RSPO1: variants seen among roughly 807,000 people sequenced by gnomAD.
RSPO1 encodes the protein R-spondin-1.
RSPO1 carries 18 observed loss-of-function variants against 26.0 expected under a neutral mutation model. That is an observed-to-expected ratio of 0.69 (90% CI 0.48 to 1.03). The LOEUF is 1.03. RSPO1 is among the 50% of genes least tolerant of loss of function. RSPO1 has a pLI of 0.00. For missense variants in RSPO1, 309 were observed against 352.3 expected (o/e 0.88, Z 0.98); for synonymous variants, 133 against 137.4 (o/e 0.97, Z 0.22).
At chr1:37,629,518 C>T (rs1411935840) in intron 3 of RSPO1, 50 bp downstream of exon 3, 2 of 1,528,898 alleles carry the variant, frequency 1.3e-6, no homozygotes, top group Admixed American at 3.3e-5. Context: ...CCTGGGTGGC[C>T]CCCTCCCATT....
intron 4 of RSPO1, among the ~76,000 whole-genome samples, chr1:37,615,707 C>T (rs548136972): frequency 6.6e-6 from 1 of 152,336 alleles, no homozygotes; most frequent in African/African-American, 2.4e-5. Flanking sequence ...CACGTGTCCC[C>T]CAGCACATCA....
At chr1:37,623,014 A>G (rs887053972) in intron 3 of RSPO1, among the ~76,000 whole-genome samples, 1 of 151,986 alleles carries the variant, frequency 6.6e-6, no homozygotes, top group African/African-American at 2.4e-5. Context: ...ACACGAGGAA[A>G]TGGGAGCATC....
At chr1:37,626,890 G>T (rs2148180106) in intron 3 of RSPO1, among the ~76,000 whole-genome samples, 1 of 152,190 alleles carries the variant, frequency 6.6e-6, no homozygotes, top group South Asian at 2.1e-4. Flanking sequence ...CAGATCAGGG[G>T]TGAGGGCTAG....
In RSPO1 at chr1:37,613,952, T is replaced by C; in HGVS notation, c.437-60A>G. ...AGGAGGAGGGGATCATGTCTCCTCC[T>C]CTGGCCCAGAATAGCCCAGGGGAGC... On this transcript the variant is annotated intron_variant, in intron 5 of 6. Coordinates refer to ENST00000356545, the MANE Select transcript of RSPO1 (RefSeq NM_001242908.2). This position sits in a 1 kb window ranked among gnomAD's most constrained non-coding sequence, Gnocchi z 4.5. 1 of 1,572,906 alleles carries C rather than the reference T, an allele frequency of 6.4e-7. No individual in the cohort carries two copies. Among genetic ancestry groups the C allele is most frequent in the Non-Finnish European group, 8.7e-7 (1 of 1,143,124 alleles).
chr1:37,612,936 C>T lies in RSPO1; in HGVS notation c.626-15G>A. 6.2e-7 allele frequency: 1 copy of T among 1,613,814 alleles called. No homozygotes were observed. The highest frequency in any genetic ancestry group is 8.5e-7 in the Non-Finnish European group (1 of 1,179,972). On this transcript the variant is annotated splice_polypyrimidine_tract_variant and intron_variant, in intron 6 of 6. Transcript: ENST00000356545. ...CCTCTTCTGCCCTGAAACAACCAAA[C>T]AGCAGGAAGAATCAACAAAGGATGT...
intron 3 of RSPO1, among the ~76,000 whole-genome samples, chr1:37,621,384 G>A (rs576187360): frequency 6.6e-6 from 1 of 152,348 alleles, no homozygotes; most frequent in Admixed American, 6.5e-5. Context: ...GAGGGCAAGA[G>A]TGGAGACAGG....
chr1:37,630,359 C>G lies in RSPO1; in HGVS notation c.-288-410G>C, dbSNP rs1570126598. 2.6e-5 allele frequency among the ~76,000 whole-genome samples: 4 copies of G among 152,330 alleles called. No homozygotes were observed. The South Asian group carries it at 8.3e-4, about 32-fold the overall frequency. ...CTCTCTCTGTCCTTGCATGAGTGAC[C>G]CCTCAGCCTTTTCTTCCCGGGGCTG... On this transcript the variant is annotated intron_variant, in intron 2 of 6. Transcript: ENST00000356545.
chr1:37,625,910 C>T (rs528046804), intron 3 of RSPO1, among the ~76,000 whole-genome samples: 2 of 152,126 alleles, frequency 1.3e-5, no homozygotes, highest in South Asian at 2.1e-4. Flanking sequence ...AACTCCTGAC[C>T]TCAGGTGATC....
At chr1:37,631,361 G>A (rs141266631) in intron 2 of RSPO1, among the ~76,000 whole-genome samples, 56 of 152,198 alleles carry the variant, frequency 3.7e-4, no homozygotes, top group Admixed American at 5.9e-4. Flanking sequence ...CCAAATGCCC[G>A]TCAGCTGCCA....
chr1:37,621,949 A>G (rs1644209396), intron 3 of RSPO1, among the ~76,000 whole-genome samples: 1 of 151,966 alleles, frequency 6.6e-6, no homozygotes, highest in Non-Finnish European at 1.5e-5. Flanking sequence ...CTACGGTCAC[A>G]TGCCACCGTG....
At chr1:37,624,060 G>A (rs1205013139) in intron 3 of RSPO1, among the ~76,000 whole-genome samples, 1 of 152,094 alleles carries the variant, frequency 6.6e-6, no homozygotes, top group Non-Finnish European at 1.5e-5. Context: ...AAGTCCGGCC[G>A]AGCTTTATAT....
chr1:37,626,520 C>G (rs1644278766), intron 3 of RSPO1, among the ~76,000 whole-genome samples: 1 of 152,198 alleles, frequency 6.6e-6, no homozygotes, highest in African/African-American at 2.4e-5. Context: ...TGTCTTCCCC[C>G]ACTCGCTTGC....
intron 4 of RSPO1, 68 bp from the exon 5 acceptor site, chr1:37,614,401 C>T: frequency 5.7e-6 from 9 of 1,572,892 alleles, no homozygotes; most frequent in Non-Finnish European, 7.9e-6. Context: ...ATCCCCAGCC[C>T]CAATACCCTC....
At position 37,613,346 on chromosome 1, in the gene RSPO1, C is replaced by T. The variant is rs1257829007; in HGVS notation, c.625+358G>A. Among the ~76,000 whole-genome samples the T allele has an allele frequency of 6.6e-6, 1 of 152,248 alleles. No homozygotes were observed. The highest frequency in any genetic ancestry group is 2.4e-5 in the African/African-American group (1 of 41,462). On this transcript the variant is annotated intron_variant, in intron 6 of 6. Transcript: ENST00000356545. The surrounding 1 kb of genome is among the most constrained non-coding windows in gnomAD (Gnocchi z 4.5). ...CAGCCAACCCCTTGCCAACTGCAGG[C>T]TGTGTGACTTTGGTGGAATCACTAC...
intron 2 of RSPO1, among the ~76,000 whole-genome samples, chr1:37,630,331 T>TGAG (rs1343829619): frequency 6.6e-6 from 1 of 152,172 alleles, no homozygotes; most frequent in Admixed American, 6.5e-5. Flanking sequence ...AGGAGCTCTC[T>TGAG]CTCTCTCTCT....
intron 4 of RSPO1, among the ~76,000 whole-genome samples, chr1:37,615,866 C>T (rs1200923520): frequency 1.3e-5 from 2 of 152,120 alleles, no homozygotes; most frequent in African/African-American, 4.8e-5. Flanking sequence ...TCCCCTGCAG[C>T]CCATGTGGAG....
chr1:37,616,111 C>T (rs937380732), intron 4 of RSPO1, among the ~76,000 whole-genome samples: 1 of 152,076 alleles, frequency 6.6e-6, no homozygotes, highest in African/African-American at 2.4e-5. Context: ...TTGCAATGAT[C>T]CCGGAGCAAG....
chr1:37,629,575 C>T lies in RSPO1; in HGVS notation c.87G>A (p.Gln29=). Residue 29 remains glutamine (Q), a synonymous_variant, in exon 3 of 7, where the codon CAG becomes CAA. Coordinates refer to ENST00000356545, the MANE Select transcript of RSPO1 (RefSeq NM_001242908.2). ...ISSRGIKGKR[Q]RRISAEGSQA... ...CCATGCTCCATTACTCACTCCGCCTCTGCCTTTTCCCCTTGATCCCCCGGC... is the reference window on the plus strand; with the variant it reads ...CCATGCTCCATTACTCACTCCGCCTTTGCCTTTTCCCCTTGATCCCCCGGC... The T allele has an allele frequency of 6.2e-7, 1 of 1,614,176 alleles. No homozygotes were observed. Among genetic ancestry groups the T allele is most frequent in the Non-Finnish European group, 8.5e-7 (1 of 1,180,028 alleles).
rs1418222066 is a variant in RSPO1, at chr1:37,613,990, C to T, written c.437-98G>A. The T allele has an allele frequency of 1.4e-6, 2 of 1,443,080 alleles. No homozygotes were observed. The highest frequency in any genetic ancestry group is 1.9e-6 in the Non-Finnish European group (2 of 1,029,152). 89.4% of individuals were successfully genotyped at this position (1,443,080 alleles called of 1,614,324 possible). The stretch of plus-strand genomic sequence containing the variant: ...AGCCCAGGGGAGCATCTCCCACTTT[C>T]CTTCTGCCTGGACCTGAGGCTGCAG... On this transcript the variant is annotated intron_variant, in intron 5 of 6. Coordinates refer to ENST00000356545, the MANE Select transcript of RSPO1 (RefSeq NM_001242908.2). This position sits in a 1 kb window ranked among gnomAD's most constrained non-coding sequence, Gnocchi z 4.5.
Sources: allele counts gnomAD v4.1 joint callset (sites outside exome capture counted in the v4.1 genomes callset), GRCh38; gene constraint gnomAD v4.1.1; non-coding constraint Gnocchi (gnomAD v3.1); transcripts MANE v1.5; gene names NCBI Gene and HGNC (gene_info 2026-07-23, HGNC 2026-07-21).